Variants in FHAD1 observed in about 807,000 individuals in gnomAD.
FHAD1 encodes the protein forkhead-associated domain-containing protein 1.
Under a neutral mutation model 191.3 loss-of-function variants are expected in FHAD1, and 146 were observed. That is an observed-to-expected ratio of 0.76 (90% CI 0.67 to 0.88). The LOEUF is 0.88. Among genes scored for constraint, FHAD1 ranks in the 40% least tolerant of loss-of-function variants. The pLI is 0.00. For missense variants in FHAD1, 1,635 were observed against 1,785.8 expected (o/e 0.92, Z 1.52); for synonymous variants, 616 against 672.3 (o/e 0.92, Z 1.29).
At chr1:15,347,767 A>T (rs1477944578) in intron 18 of FHAD1, among the ~76,000 whole-genome samples, 6 of 152,296 alleles carry the variant, frequency 3.9e-5, no homozygotes, top group African/African-American at 1.4e-4. Context: ...TTTTCATTAG[A>T]TCTTCCGCCA....
chr1:15,284,896 C>A (rs1661890959), intron 3 of FHAD1, among the ~76,000 whole-genome samples: 1 of 151,312 alleles, frequency 6.6e-6, no homozygotes, highest in African/African-American at 2.4e-5. Context: ...CGCCACACAC[C>A]ATATGGTCAG....
intron 2 of FHAD1, among the ~76,000 whole-genome samples, chr1:15,269,259 T>C (rs918415758): frequency 2.6e-5 from 4 of 152,096 alleles, no homozygotes; most frequent in Non-Finnish European, 4.4e-5. Flanking sequence ...ACTTTGATTA[T>C]TGATTTCAGA....
intron 4 of FHAD1, among the ~76,000 whole-genome samples, chr1:15,290,120 T>C (rs1448741214): frequency 6.6e-6 from 1 of 152,216 alleles, no homozygotes; most frequent in Non-Finnish European, 1.5e-5. Flanking sequence ...AGATGACTTC[T>C]CCCGAGGAAG....
rs372523797 is a variant in FHAD1 at position 15,329,737 on chromosome 1, C to T, written c.1906+196C>T. 7 of 503,932 alleles carry T rather than the reference C, an allele frequency of 1.4e-5. No homozygotes were observed. Among genetic ancestry groups the T allele is most frequent in the African/African-American group, 1.9e-5 (1 of 52,280 alleles). 31.2% of individuals were successfully genotyped at this position (503,932 alleles called of 1,614,324 possible). A position where few individuals can be genotyped will look rare whatever the true frequency, so the allele number is the denominator to read the frequency against. ...AAAACACACACATACAAGTGAGACACGATAACTGAAGAAAAATGAAACAAA... is the reference window on the plus strand; with the variant it reads ...AAAACACACACATACAAGTGAGACATGATAACTGAAGAAAAATGAAACAAA... On this transcript the variant is annotated intron_variant, in intron 14 of 33. Transcript: ENST00000688493. This position sits in a 1 kb window ranked among gnomAD's most constrained non-coding sequence, Gnocchi z 5.0.
rs371226367 is a variant in FHAD1 at position 15,390,902 on chromosome 1, G to A, written c.4270-308G>A. Among the ~76,000 whole-genome samples the A allele has an allele frequency of 4.6e-5, 7 of 152,248 alleles. No individual in the cohort carries two copies. In the South Asian group the frequency reaches 6.2e-4, roughly 14 times the overall value. On this transcript the variant is annotated intron_variant, in intron 32 of 33. Coordinates refer to ENST00000688493, the MANE Select transcript of FHAD1 (RefSeq NM_001391957.1). ...TCGAGCTAAAACAGACGTGTCCTCCGAGAAGAGCATTGTTCCTCACAGGCC... is the reference window on the plus strand; with the variant it reads ...TCGAGCTAAAACAGACGTGTCCTCCAAGAAGAGCATTGTTCCTCACAGGCC...
intron 15 of FHAD1, 40 bp from the exon 16 acceptor site, chr1:15,341,696 T>C (rs1482275710): frequency 1.1e-5 from 17 of 1,516,686 alleles, no homozygotes; most frequent in Non-Finnish European, 1.5e-5. Context: ...TAGTTAGGCC[T>C]GTCCCCCATC....
chr1:15,245,879 C>T (rs919646775), upstream of FHAD1, among the ~76,000 whole-genome samples: 1 of 152,220 alleles, frequency 6.6e-6, no homozygotes, highest in African/African-American at 2.4e-5. Context: ...AGCCTCCAGG[C>T]ACGTTTGAGC....
Position 15,380,255 on chromosome 1 carries a change from G to T in FHAD1, c.3706-446G>T, listed in dbSNP as rs72879934. Reference sequence around the variant, plus strand: ...AGGCCTTAGCACTGTTGATATTTTAGGGCCCCACAATCTGGCGTGGTTTGT... The same window carrying T: ...AGGCCTTAGCACTGTTGATATTTTATGGCCCCACAATCTGGCGTGGTTTGT... On this transcript the variant is annotated intron_variant, in intron 28 of 33. Transcript: ENST00000688493. 5.8e-3 allele frequency among the ~76,000 whole-genome samples: 880 copies of T among 152,230 alleles called. 10 individuals are homozygous for T. Among genetic ancestry groups the T allele is most frequent in the African/African-American group, 0.02 (836 of 41,520 alleles).
intron 11 of FHAD1, chr1:15,324,797 G>T: frequency 1.9e-6 from 1 of 513,994 alleles, no homozygotes; most frequent in Non-Finnish European, 3.5e-6. Flanking sequence ...CCGAGACCCG[G>T]ACCAGGCAGC....
chr1:15,397,011 C>T (rs187141411), intron 33 of FHAD1, among the ~76,000 whole-genome samples: 4,185 of 139,066 alleles, frequency 0.03, 73 homozygotes, highest in Non-Finnish European at 0.046. Context: ...GGTGAAACCC[C>T]GTCTCTACTA....
intron 4 of FHAD1, among the ~76,000 whole-genome samples, chr1:15,294,932 G>T (rs1416116712): frequency 6.6e-6 from 1 of 152,146 alleles, no homozygotes; most frequent in Non-Finnish European, 1.5e-5. Context: ...AGCTCATACA[G>T]GTGAGGGAGG....
intron 16 of FHAD1, 44 bp from the exon 17 acceptor site, chr1:15,345,039 G>A: frequency 6.8e-7 from 1 of 1,475,040 alleles, no homozygotes; most frequent in Non-Finnish European, 9.3e-7. Context: ...CCAAATTCCT[G>A]CCATGGTAAC....
In FHAD1 at chr1:15,381,813, ACAT is replaced by A. The variant is rs937118074; in HGVS notation, c.4023-213_4023-211del. ...CAGGAAGTCAGGAGGGGCTGGTAGCACATCCTTTATCCCCTCCCGCTACACACA... is the reference window on the plus strand; with the variant it reads ...CAGGAAGTCAGGAGGGGCTGGTAGCACCTTTATCCCCTCCCGCTACACACA... On this transcript the variant is annotated intron_variant, in intron 30 of 33. Transcript: ENST00000688493. This position sits in a 1 kb window ranked among gnomAD's most constrained non-coding sequence, Gnocchi z 4.6. Among the ~76,000 whole-genome samples the A allele has an allele frequency of 1.3e-5, 2 of 151,866 alleles. No individual in the cohort carries two copies. Among genetic ancestry groups the A allele is most frequent in the African/African-American group, 4.8e-5 (2 of 41,358 alleles).
At chr1:15,360,308 T>C (rs1051298007) in intron 21 of FHAD1, among the ~76,000 whole-genome samples, 170 bp from the exon 22 acceptor site, 21 of 151,670 alleles carry the variant, frequency 1.4e-4, no homozygotes, top group Non-Finnish European at 3.1e-4. Flanking sequence ...CAAGAAGGAG[T>C]TGGCCATGCA....
At chr1:15,372,682 A>G (rs1469460854) in intron 26 of FHAD1, among the ~76,000 whole-genome samples, 1 of 152,326 alleles carries the variant, frequency 6.6e-6, no homozygotes, top group East Asian at 1.9e-4. Flanking sequence ...CCATATCTAT[A>G]GCTATCTATA....
At chr1:15,362,127 T>C (rs1013194481) in intron 22 of FHAD1, among the ~76,000 whole-genome samples, 6 of 152,158 alleles carry the variant, frequency 3.9e-5, no homozygotes, top group Admixed American at 1.3e-4. Flanking sequence ...ACCCCCGTAC[T>C]TAGACCAGTA....
At chr1:15,319,961 A>T (rs1373790834) in intron 10 of FHAD1, among the ~76,000 whole-genome samples, 1 of 152,220 alleles carries the variant, frequency 6.6e-6, no homozygotes, top group Non-Finnish European at 1.5e-5. Flanking sequence ...AGTTGTAGTC[A>T]TGAACATGGA....
At position 15,301,511 on chromosome 1, in the gene FHAD1, A is replaced by G. The variant is rs998513154; in HGVS notation, c.915+70A>G. 13 of 1,357,450 alleles carry G rather than the reference A, an allele frequency of 9.6e-6. No individual in the cohort carries two copies. In the Admixed American group the frequency reaches 1.1e-4, roughly 12 times the overall value. The allele number at this position is 1,357,450 out of a possible 1,614,324, so 84.1% of individuals were successfully genotyped here. A position where few individuals can be genotyped will look rare whatever the true frequency, so the allele number is the denominator to read the frequency against. ...CCGGGAGGCCCCAGGACCACCAACC[A>G]AGGTGAGCCACCCAGAGTTAGGGAA... is the stretch of plus-strand genomic sequence containing the variant. On this transcript the variant is annotated intron_variant, in intron 6 of 33. Coordinates refer to ENST00000688493, the MANE Select transcript of FHAD1 (RefSeq NM_001391957.1).
At chr1:15,247,199 CT>C (rs1646154314), upstream of FHAD1, 1 of 145,466 alleles carries the variant, frequency 6.9e-6, no homozygotes, top group Non-Finnish European at 1.6e-5. Context: ...ATCTATTAGG[CT>C]GGACCCCGCG....
Sources: gnomAD v4.1 joint callset for allele counts (sites outside exome capture counted in the v4.1 genomes callset) on GRCh38, gnomAD v4.1.1 for gene constraint, Gnocchi (gnomAD v3.1) non-coding constraint, MANE v1.5 for transcripts, NCBI Gene and HGNC (gene_info 2026-07-23, HGNC 2026-07-21) for gene names.